MUSK: variants seen among roughly 807,000 people sequenced by gnomAD.
MUSK encodes muscle associated receptor tyrosine kinase.
In MUSK, 55 loss-of-function variants were observed where a neutral mutation model predicts 88.7. The observed-to-expected ratio is 0.62, with a 90% CI of 0.50 to 0.78. The LOEUF (loss-of-function observed/expected upper bound fraction) is 0.78, where lower values mean the gene tolerates loss of function less well. Among genes scored for constraint, MUSK ranks in the 30% least tolerant of loss-of-function variants. The probability of loss-of-function intolerance (pLI) is 0.00; values close to 1 mark genes in which losing one functional copy is unlikely to be tolerated. For missense variants in MUSK, 1,015 were observed against 1,074.3 expected (o/e 0.94, Z 0.77); for synonymous variants, 387 against 391.9 (o/e 0.99, Z 0.15).
At chr9:110,764,273 CA>C (rs1344908356) in intron 8 of MUSK, among the ~76,000 whole-genome samples, 2 of 152,188 alleles carry the variant, frequency 1.3e-5, no homozygotes, top group African/African-American at 4.8e-5. Context: ...CAGAGAAACA[CA>C]ACTTTAGCTG....
chr9:110,690,189 T>TATAAATATAGAA (rs1254556152), intron 3 of MUSK, among the ~76,000 whole-genome samples: 5 of 76,280 alleles, frequency 6.6e-5, no homozygotes, highest in African/African-American at 2.5e-4. Context: ...TATATTTAAG[T>TATAAATATAGAA]ATATATAAAT....
intron 5 of MUSK, among the ~76,000 whole-genome samples, chr9:110,715,232 G>A (rs952221244): frequency 1.3e-5 from 2 of 149,870 alleles, no homozygotes; most frequent in African/African-American, 5.1e-5. Context: ...TTTACCTCTA[G>A]TACTTCCCAG....
chr9:110,789,190 A>T (rs2077929185), intron 14 of MUSK, among the ~76,000 whole-genome samples: 1 of 152,250 alleles, frequency 6.6e-6, no homozygotes. Flanking sequence ...GAAGCAATGA[A>T]ATCAGGAAGA....
At chr9:110,675,766 C>T (rs2076019706) in intron 1 of MUSK, among the ~76,000 whole-genome samples, 1 of 149,562 alleles carries the variant, frequency 6.7e-6, no homozygotes, top group African/African-American at 2.5e-5. Context: ...GATGGGATTT[C>T]ACCATGTTGG....
In MUSK at chr9:110,800,665, G is replaced by A. The variant is rs199507468; in HGVS notation, c.2287G>A (p.Ala763Thr). 141 of 1,613,788 alleles carry A rather than the reference G, an allele frequency of 8.7e-5. No individual in the cohort carries two copies. The highest frequency in any genetic ancestry group is 1.1e-4 in the Non-Finnish European group (130 of 1,179,882). Reference protein sequence around the residue: ...ADYYKANENDAIPIRWMPPES... With the variant: ...ADYYKANENDTIPIRWMPPES... ...CTACTACAAAGCTAATGAAAACGAC[G>A]CTATCCCTATCCGTTGGATGCCACC... is the stretch of plus-strand genomic sequence containing the variant. The change falls in exon 15 of 15, where the codon GCT becomes ACT. Residue 763 changes from alanine (A) to threonine (T), a missense_variant. Ala to Thr is a moderately conservative substitution (Grantham distance 58). Transcript: ENST00000374448.
intron 7 of MUSK, 53 bp from the exon 8 acceptor site, chr9:110,762,149 T>G: frequency 7.4e-7 from 1 of 1,349,084 alleles, no homozygotes; most frequent in Non-Finnish European, 9.7e-7. Flanking sequence ...CTAACGTTCT[T>G]TCTTTTCTCC....
At position 110,800,835 on chromosome 9, in the gene MUSK, C is replaced by T. The variant is rs2078085300; in HGVS notation, c.2457C>T (p.Asn819=). 6.2e-7 allele frequency: 1 copy of T among 1,611,440 alleles called. No homozygotes were observed. The highest frequency in any genetic ancestry group is 1.1e-5 in the South Asian group (1 of 90,914). The change falls in exon 15 of 15, where the codon AAC becomes AAT. Residue 819 remains asparagine, a synonymous_variant. Coordinates refer to ENST00000374448, the MANE Select transcript of MUSK (RefSeq NM_005592.4). ...EEVIYYVRDG[N]ILSCPENCPV... is the part of the protein sequence containing the mutation. ...TCATTTACTACGTGCGAGATGGCAACATCCTCTCCTGCCCTGAGAACTGCC... is the reference window on the plus strand; with the variant it reads ...TCATTTACTACGTGCGAGATGGCAATATCCTCTCCTGCCCTGAGAACTGCC...
rs1272810783 is a variant in MUSK, at chr9:110,801,150, C to T, written c.*162C>T. On this transcript the variant is annotated 3_prime_UTR_variant, in exon 15 of 15. Coordinates refer to ENST00000374448, the MANE Select transcript of MUSK (RefSeq NM_005592.4). ...AGGGAGAGCAAAGACAGTGCAAAAC[C>T]CATGTGGTAGACGGACCCATTGAAA... The T allele has an allele frequency of 3.5e-6, 2 of 570,190 alleles. No individual in the cohort carries two copies. The highest frequency in any genetic ancestry group is 5.6e-6 in the Non-Finnish European group (2 of 355,764). The allele number at this position is 570,190 out of a possible 1,614,324, so 35.3% of individuals were successfully genotyped here.
intron 5 of MUSK, among the ~76,000 whole-genome samples, chr9:110,731,271 G>C (rs2076959853): frequency 6.6e-6 from 1 of 151,982 alleles, no homozygotes; most frequent in African/African-American, 2.4e-5. Flanking sequence ...AGAGAGGAGA[G>C]ACTGACAAAA....
intron 5 of MUSK, among the ~76,000 whole-genome samples, chr9:110,707,026 A>C (rs756801215): frequency 2.9e-5 from 4 of 137,832 alleles, no homozygotes; most frequent in Non-Finnish European, 6.5e-5. Context: ...AGAGAGAGAG[A>C]GAAACAAATA....
chr9:110,751,766 A>C (rs1238825897), intron 7 of MUSK, among the ~76,000 whole-genome samples: 1 of 151,470 alleles, frequency 6.6e-6, no homozygotes, highest in African/African-American at 2.5e-5. Flanking sequence ...AGGCAGCATA[A>C]GGAGAGGGTT....
chr9:110,789,750 G>A (rs1047292673), intron 14 of MUSK, among the ~76,000 whole-genome samples: 2 of 152,072 alleles, frequency 1.3e-5, no homozygotes, highest in Admixed American at 6.6e-5. Flanking sequence ...TTGCACTCCA[G>A]CCTGTGTGAC....
chr9:110,713,294 C>G (rs1257816457), intron 5 of MUSK, among the ~76,000 whole-genome samples: 2 of 147,020 alleles, frequency 1.4e-5, no homozygotes, highest in African/African-American at 5.0e-5. Context: ...GAGTCTCTCT[C>G]TGTCATTCAG....
chr9:110,709,749 GTTTA>G (rs1464424365), intron 5 of MUSK, among the ~76,000 whole-genome samples: 1 of 152,106 alleles, frequency 6.6e-6, no homozygotes, highest in African/African-American at 2.4e-5. Context: ...ATTTTTAATA[GTTTA>G]TTTGTATTAA....
chr9:110,744,098 G>T (rs1056440251), intron 6 of MUSK, among the ~76,000 whole-genome samples: 6 of 152,092 alleles, frequency 3.9e-5, no homozygotes, highest in Admixed American at 1.3e-4. Context: ...CTCTGGAGTA[G>T]CTGGGACTAC....
chr9:110,756,815 T>A (rs2131908132), intron 7 of MUSK, among the ~76,000 whole-genome samples: 1 of 152,250 alleles, frequency 6.6e-6, no homozygotes, highest in East Asian at 1.9e-4. Context: ...TGCCTTTTAG[T>A]AAATTCCAAG....
At chr9:110,682,443 A>G (rs2076146011) in intron 1 of MUSK, among the ~76,000 whole-genome samples, 1 of 152,044 alleles carries the variant, frequency 6.6e-6, no homozygotes, top group African/African-American at 2.4e-5. Context: ...CTCCTCGTAT[A>G]TCATAAACTC....
chr9:110,785,056 T>G lies in MUSK; in HGVS notation c.1586+40T>G, dbSNP rs780334147. On this transcript the variant is annotated intron_variant, in intron 12 of 14. Transcript: ENST00000374448. ...TCAGCTAACCATGTGTAGTAATATT[T>G]TAAAGCCTTGTGTTTTATGGAGTTG... 1.2e-5 allele frequency: 19 copies of G among 1,569,146 alleles called. No individual in the cohort carries two copies. The South Asian group carries it at 2.1e-4, about 18-fold the overall frequency.
chr9:110,716,732 C>T (rs1587946917), intron 5 of MUSK, among the ~76,000 whole-genome samples: 1 of 149,902 alleles, frequency 6.7e-6, no homozygotes, highest in Non-Finnish European at 1.5e-5. Flanking sequence ...TTTAGTTTTG[C>T]CTTAGCAGCT....
Sources: allele counts gnomAD v4.1 joint callset (sites outside exome capture counted in the v4.1 genomes callset), GRCh38; gene constraint gnomAD v4.1.1; transcripts MANE v1.5; gene names NCBI Gene and HGNC (gene_info 2026-07-23, HGNC 2026-07-21).